TAOK3: variants seen among roughly 807,000 people sequenced by gnomAD.
TAOK3 encodes the protein serine/threonine-protein kinase TAO3.
A neutral mutation model predicts 120.4 loss-of-function variants in TAOK3; 40 were observed. That is an observed-to-expected ratio of 0.33 (90% confidence interval 0.26 to 0.43). TAOK3 has a LOEUF of 0.43. Ranked by LOEUF, TAOK3 falls within the 20% of genes least tolerant of loss-of-function variation. TAOK3 has a pLI of 1.00. For missense variants in TAOK3, 821 were observed against 1,112.1 expected (o/e 0.74, Z 3.72); for synonymous variants, 355 against 387.5 (o/e 0.92, Z 0.99).
chr12:118,168,358 A>G (rs999110762), intron 17 of TAOK3, among the ~76,000 whole-genome samples: 1 of 152,258 alleles, frequency 6.6e-6, no homozygotes, highest in African/African-American at 2.4e-5. Context: ...CCCCATGCAC[A>G]CATGCACACA....
At chr12:118,165,303 G>C (rs2035510456) in intron 17 of TAOK3, among the ~76,000 whole-genome samples, 1 of 152,182 alleles carries the variant, frequency 6.6e-6, no homozygotes, top group Non-Finnish European at 1.5e-5. Flanking sequence ...TTGAGGTCCA[G>C]GAGTCCCAAC....
Position 118,217,811 on chromosome 12 carries a change from G to GTGTGTGTA in TAOK3, c.644-3702_644-3701insTACACACA, listed in dbSNP as rs1353848789. On this transcript the variant is annotated intron_variant, in intron 9 of 20. Transcript: ENST00000392533. ...TGTATGTATGTATGTGTGTGTGTGTGTATACATATATATATATATATATAT... is the reference window on the plus strand; with the variant it reads ...TGTATGTATGTATGTGTGTGTGTGTGTGTGTGTATATACATATATATATATATATATAT... 8.2e-3 allele frequency among the ~76,000 whole-genome samples: 620 copies of GTGTGTGTA among 75,308 alleles called. 87 individuals carry two copies. Among genetic ancestry groups the GTGTGTGTA allele is most frequent in the Non-Finnish European group, 0.011 (411 of 38,856 alleles). The allele number at this position is 75,308 out of a possible 152,430, so 49.4% of individuals were successfully genotyped here. A position where few individuals can be genotyped will look rare whatever the true frequency, so the allele number is the denominator to read the frequency against.
intron 1 of TAOK3, chr12:118,283,792 G>T: frequency 5.1e-6 from 1 of 194,998 alleles, no homozygotes; most frequent in South Asian, 8.3e-5. Flanking sequence ...TATAGGAAAT[G>T]GTGGGCACAA....
intron 2 of TAOK3, among the ~76,000 whole-genome samples, chr12:118,259,916 T>C (rs1310359867): frequency 6.6e-6 from 1 of 152,080 alleles, no homozygotes; most frequent in Non-Finnish European, 1.5e-5. Flanking sequence ...ATGAGAAAAC[T>C]ACCTTAGACC....
intron 1 of TAOK3, among the ~76,000 whole-genome samples, chr12:118,337,660 A>T (rs1227265482): frequency 6.6e-6 from 1 of 152,238 alleles, no homozygotes; most frequent in Non-Finnish European, 1.5e-5. Context: ...AAATCCACAA[A>T]GGTTACATAC....
chr12:118,246,500 G>C (rs969712381), intron 3 of TAOK3: 3 of 1,561,712 alleles, frequency 1.9e-6, no homozygotes, highest in Non-Finnish European at 1.7e-6. Context: ...ACGTCGGTCT[G>C]GGTGTTAAGT....
At chr12:118,203,704 C>A (rs955901050) in intron 11 of TAOK3, among the ~76,000 whole-genome samples, 127 of 127,022 alleles carry the variant, frequency 1.0e-3, no homozygotes, top group Non-Finnish European at 1.1e-3. Flanking sequence ...AACTCCATCT[C>A]AAAAAAAAAA....
At chr12:118,203,885 T>C (rs890812603) in intron 11 of TAOK3, among the ~76,000 whole-genome samples, 5 of 152,186 alleles carry the variant, frequency 3.3e-5, no homozygotes, top group Non-Finnish European at 7.3e-5. Flanking sequence ...AACAGGTTTG[T>C]GGGCTATTTT....
intron 2 of TAOK3, among the ~76,000 whole-genome samples, chr12:118,265,810 C>A (rs1353347178): frequency 1.3e-5 from 2 of 152,162 alleles, no homozygotes; most frequent in Non-Finnish European, 2.9e-5. Flanking sequence ...GACAGTGCAT[C>A]TGGGAAACGT....
At chr12:118,181,663 T>C in intron 14 of TAOK3, 56 bp from the exon 15 acceptor site, 2 of 1,483,190 alleles carry the variant, frequency 1.3e-6, no homozygotes, top group Non-Finnish European at 1.9e-6. Flanking sequence ...AGACAAGCTT[T>C]CATGCAAAGT....
chr12:118,254,477 C>T (rs948877176), intron 3 of TAOK3, among the ~76,000 whole-genome samples: 13 of 150,892 alleles, frequency 8.6e-5, no homozygotes, highest in African/African-American at 3.1e-4. Context: ...AGCAAAAAAT[C>T]GTATACGTAA....
chr12:118,166,812 G>GTATA (rs1473578311), intron 17 of TAOK3, among the ~76,000 whole-genome samples: 3 of 106,276 alleles, frequency 2.8e-5, no homozygotes, highest in Non-Finnish European at 4.0e-5. Flanking sequence ...ATGTGTGTGT[G>GTATA]TGTATATATA....
chr12:118,288,427 C>T (rs560740640), intron 1 of TAOK3, among the ~76,000 whole-genome samples: 1 of 152,038 alleles, frequency 6.6e-6, no homozygotes, highest in African/African-American at 2.4e-5. Context: ...ATAAGAAATG[C>T]CCATATGGGC....
chr12:118,251,781 T>C (rs2040763222), intron 3 of TAOK3, among the ~76,000 whole-genome samples: 1 of 152,114 alleles, frequency 6.6e-6, no homozygotes, highest in Non-Finnish European at 1.5e-5. Flanking sequence ...CTTGGTTTAT[T>C]GTAGTCATTC....
intron 1 of TAOK3, among the ~76,000 whole-genome samples, chr12:118,356,332 C>T (rs936858832): frequency 7.1e-6 from 1 of 140,238 alleles, no homozygotes; most frequent in South Asian, 2.2e-4. Context: ...TGGAGTCCGG[C>T]TCTGTCGCTC....
At chr12:118,221,808 G>C (rs1157689605) in intron 9 of TAOK3, among the ~76,000 whole-genome samples, 1 of 151,438 alleles carries the variant, frequency 6.6e-6, no homozygotes, top group Non-Finnish European at 1.5e-5. Context: ...CTAATTTTTT[G>C]TATTTTTAGT....
chr12:118,246,934 G>A (rs981972841), intron 3 of TAOK3: 38 of 1,188,000 alleles, frequency 3.2e-5, no homozygotes, highest in Admixed American at 1.2e-4. Flanking sequence ...TCCGTGCAGC[G>A]GACTCAGGAT....
At chr12:118,347,986 T>C (rs2044945781) in intron 1 of TAOK3, among the ~76,000 whole-genome samples, 1 of 152,234 alleles carries the variant, frequency 6.6e-6, no homozygotes, top group Non-Finnish European at 1.5e-5. Context: ...CACTATCTAC[T>C]GTTCAAAGTT....
chr12:118,209,365 G>A (rs1232768016), intron 11 of TAOK3, among the ~76,000 whole-genome samples: 1 of 152,106 alleles, frequency 6.6e-6, no homozygotes, highest in Non-Finnish European at 1.5e-5. Flanking sequence ...GCTAGTGAGG[G>A]GGCCTGAAAT....
Sources: gnomAD v4.1 joint callset for allele counts (sites outside exome capture counted in the v4.1 genomes callset) on GRCh38, gnomAD v4.1.1 for gene constraint, MANE v1.5 for transcripts, NCBI Gene and HGNC (gene_info 2026-07-23, HGNC 2026-07-21) for gene names.